The following FAT3 variants were observed in gnomAD, a reference collection of about 807,000 sequenced individuals.
The protein encoded by FAT3 is protocadherin Fat 3.
FAT3 carries 95 observed loss-of-function variants against 310.2 expected under a neutral mutation model. That is an observed-to-expected ratio of 0.31 (90% CI 0.26 to 0.36). FAT3 has a LOEUF of 0.36. Ranked by LOEUF, FAT3 falls within the 10% of genes least tolerant of loss-of-function variation. The probability of loss-of-function intolerance (pLI) is 1.00; values close to 1 mark genes in which losing one functional copy is unlikely to be tolerated. For missense variants in FAT3, 5,408 were observed against 5,715.6 expected, an observed-to-expected ratio of 0.95 and a Z score of 1.74; for synonymous variants, 2,314 against 2,192.9, an observed-to-expected ratio of 1.06 and a Z score of -1.54.
intron 4 of FAT3, among the ~76,000 whole-genome samples, chr11:92,757,930 T>C (rs1198420471): frequency 6.6e-6 from 1 of 152,148 alleles, no homozygotes; most frequent in Non-Finnish European, 1.5e-5. Flanking sequence ...AATCTTTAGA[T>C]TGGTAGTGTT....
At chr11:92,836,767 C>T (rs777242947) in intron 16 of FAT3, 64 bp downstream of exon 16, 1 of 1,570,404 alleles carries the variant, frequency 6.4e-7, no homozygotes, top group African/African-American at 1.4e-5. Context: ...ATCAGGGGCA[C>T]AAGCTCCACG....
In FAT3 at chr11:92,663,954, A is replaced by G. The variant is rs138515659; in HGVS notation, c.3608-33430A>G. 8.8e-3 allele frequency among the ~76,000 whole-genome samples: 1,339 copies of G among 152,276 alleles called. 22 individuals carry two copies. Among genetic ancestry groups the G allele is most frequent in the African/African-American group, 0.031 (1,273 of 41,548 alleles). On this transcript the variant is annotated intron_variant, in intron 3 of 27. Coordinates refer to ENST00000525166, the MANE Select transcript of FAT3 (RefSeq NM_001367949.2). ...CTAAAACCCTGCTCCTTAGAATATCATAAAAGAACCTTCATAATTTGCCTT... is the reference window on the plus strand; with the variant it reads ...CTAAAACCCTGCTCCTTAGAATATCGTAAAAGAACCTTCATAATTTGCCTT...
chr11:92,613,032 A>G (rs1430298391), intron 3 of FAT3, among the ~76,000 whole-genome samples: 1 of 152,138 alleles, frequency 6.6e-6, no homozygotes, highest in Non-Finnish European at 1.5e-5. Context: ...TTCTTTTTCT[A>G]CCTCACTGAA....
chr11:92,790,067 G>A lies in FAT3; in HGVS notation c.4460G>A (p.Arg1487Lys), dbSNP rs1421750495. ...ATCCTGCAGATTGAAGCCACAGATA[G>A]AGATGAGAAGCACAAGCTGAGCTAC... is the stretch of plus-strand genomic sequence containing the variant. ...TEILQIEATDRDEKHKLSYTV... is the reference protein window; with the variant it reads ...TEILQIEATDKDEKHKLSYTV... The change falls in exon 8 of 28, where the codon AGA (arginine) becomes AAA (lysine). Residue 1487 changes from arginine to lysine, a missense_variant. By Grantham distance (26) the Arg-to-Lys change is conservative. Transcript: ENST00000525166. 7.4e-6 allele frequency: 12 copies of A among 1,613,728 alleles called. No homozygotes were observed. The highest frequency in any genetic ancestry group is 1.3e-5 in the African/African-American group (1 of 74,918).
chr11:92,689,835 T>C (rs1210244802), intron 3 of FAT3, among the ~76,000 whole-genome samples: 3 of 152,298 alleles, frequency 2.0e-5, no homozygotes, highest in Non-Finnish European at 4.4e-5. Flanking sequence ...GTATTGTCTA[T>C]CATACAAGAT....
intron 12 of FAT3, among the ~76,000 whole-genome samples, chr11:92,809,087 T>C (rs1028252838): frequency 6.6e-6 from 1 of 152,176 alleles, no homozygotes; most frequent in Non-Finnish European, 1.5e-5. Context: ...CATTATCTTA[T>C]GAAACTTAAA....
intron 3 of FAT3, among the ~76,000 whole-genome samples, chr11:92,658,543 A>AT (rs1285832374): frequency 2.0e-5 from 3 of 152,150 alleles, no homozygotes; most frequent in Non-Finnish European, 2.9e-5. Flanking sequence ...GCTGGACTGA[A>AT]TGACCTCTAC....
chr11:92,444,563 A>G, intron 2 of FAT3, among the ~76,000 whole-genome samples: 1 of 151,252 alleles, frequency 6.6e-6, no homozygotes, highest in East Asian at 2.0e-4. Flanking sequence ...AGAATGAAAC[A>G]TGGTAAGTTT....
intron 1 of FAT3, among the ~76,000 whole-genome samples, chr11:92,318,395 G>A (rs1448298239): frequency 6.6e-6 from 1 of 152,158 alleles, no homozygotes; most frequent in East Asian, 1.9e-4. Context: ...CTGGGGGTTA[G>A]CAATGGCAGT....
chr11:92,420,860 A>G (rs1239789467), intron 2 of FAT3, among the ~76,000 whole-genome samples: 1 of 152,190 alleles, frequency 6.6e-6, no homozygotes, highest in Non-Finnish European at 1.5e-5. Flanking sequence ...ATTGATTTTA[A>G]TGATTTCTAT....
In FAT3 at chr11:92,479,603, G is replaced by C. The variant is rs1042338961; in HGVS notation, c.3293-45031G>C. On this transcript the variant is annotated intron_variant, in intron 2 of 27. Transcript: ENST00000525166. The stretch of plus-strand genomic sequence containing the variant: ...CTGCCTCTGTAGATAAGGTCCCTTG[G>C]TCAAACACTCTTCTTTATCAAAGGG... Among the ~76,000 whole-genome samples, 5 of 152,066 alleles carry C rather than the reference G, an allele frequency of 3.3e-5. No individual in the cohort carries two copies. The East Asian group carries it at 9.7e-4, about 29-fold the overall frequency.
At chr11:92,607,042 T>C (rs1940334375) in intron 3 of FAT3, among the ~76,000 whole-genome samples, 2 of 152,302 alleles carry the variant, frequency 1.3e-5, no homozygotes, top group South Asian at 4.1e-4. Context: ...TGAATAGATA[T>C]CACTAACCAT....
intron 3 of FAT3, among the ~76,000 whole-genome samples, chr11:92,553,139 T>C (rs1412422553): frequency 6.6e-6 from 1 of 152,144 alleles, no homozygotes; most frequent in Non-Finnish European, 1.5e-5. Context: ...CAAGGAGTAA[T>C]ATCACCACCT....
intron 2 of FAT3, among the ~76,000 whole-genome samples, chr11:92,508,320 G>T (rs1439560490): frequency 6.6e-6 from 1 of 152,014 alleles, no homozygotes; most frequent in Non-Finnish European, 1.5e-5. Flanking sequence ...ATTCACTTGA[G>T]AAAAGAATAA....
chr11:92,449,846 T>C lies in FAT3; in HGVS notation c.3293-74788T>C, dbSNP rs566710154. On this transcript the variant is annotated intron_variant, in intron 2 of 27. Transcript: ENST00000525166. ...ATATAAATTATCCAAGAACAATAGG[T>C]GGGTATTTTCTCCCTTAGATTGGCT... Among the ~76,000 whole-genome samples, 34 of 152,280 alleles carry C rather than the reference T, an allele frequency of 2.2e-4. No individual in the cohort carries two copies. The South Asian group carries it at 7.0e-3, about 32-fold the overall frequency.
At chr11:92,482,785 G>A (rs1478103073) in intron 2 of FAT3, among the ~76,000 whole-genome samples, 2 of 152,058 alleles carry the variant, frequency 1.3e-5, no homozygotes, top group South Asian at 2.1e-4. Context: ...CTACATATTC[G>A]CCTCCGTTCC....
intron 3 of FAT3, among the ~76,000 whole-genome samples, chr11:92,631,232 C>G (rs1395961639): frequency 6.6e-6 from 1 of 152,124 alleles, no homozygotes; most frequent in African/African-American, 2.4e-5. Flanking sequence ...CTGACCCATT[C>G]AGGTTATTGG....
chr11:92,473,597 A>C (rs1951968323), intron 2 of FAT3, among the ~76,000 whole-genome samples: 1 of 152,220 alleles, frequency 6.6e-6, no homozygotes, highest in Non-Finnish European at 1.5e-5. Context: ...ATTTTAGGAC[A>C]TATTCCTGTG....
intron 3 of FAT3, among the ~76,000 whole-genome samples, chr11:92,637,937 G>A (rs1941827751): frequency 1.3e-5 from 2 of 152,278 alleles, no homozygotes; most frequent in Non-Finnish European, 2.9e-5. Context: ...CATGCTGTTT[G>A]GATATTGCGT....
Sources: gnomAD v4.1 joint callset for allele counts (sites outside exome capture counted in the v4.1 genomes callset) on GRCh38, gnomAD v4.1.1 for gene constraint, MANE v1.5 for transcripts, NCBI Gene and HGNC (gene_info 2026-07-23, HGNC 2026-07-21) for gene names.